IRAG2: variants seen among roughly 807,000 people sequenced by gnomAD.
IRAG2 encodes lymphoid restricted membrane protein.
A neutral mutation model predicts 69.9 loss-of-function variants in IRAG2; 45 were observed. That is an observed-to-expected ratio of 0.64 (90% CI 0.51 to 0.83). IRAG2 has a LOEUF of 0.83. IRAG2 is among the 40% of genes least tolerant of loss of function. The pLI is 0.00. For synonymous variants in IRAG2, 193 were observed against 202.4 expected, an observed-to-expected ratio of 0.95 and a Z score of 0.40; for missense variants, 520 against 587.0, an observed-to-expected ratio of 0.89 and a Z score of 1.18.
intron 6 of IRAG2, among the ~76,000 whole-genome samples, chr12:25,073,257 T>C (rs144975256): frequency 3.9e-5 from 6 of 152,366 alleles, no homozygotes; most frequent in East Asian, 3.9e-4. Flanking sequence ...TTTATTTGTG[T>C]ATTAGGTGAT....
In IRAG2 at chr12:25,103,911, C is replaced by T. The variant is rs990104776; in HGVS notation, c.996+12C>T. On this transcript the variant is annotated intron_variant, in intron 18 of 21. Coordinates refer to ENST00000556887, the MANE Select transcript of IRAG2 (RefSeq NM_001366544.2). ...GAAATGCAGGAATGGTAAGACAATT[C>T]CTAAGTGTTCTTAGTCAAAGGTAAA... 1.9e-6 allele frequency: 3 copies of T among 1,610,586 alleles called. No homozygotes were observed. The highest frequency in any genetic ancestry group is 2.2e-5 in the East Asian group (1 of 44,762).
At chr12:25,032,299 T>G in intron 11 of IRAG2, 1 of 399,066 alleles carries the variant, frequency 2.5e-6, no homozygotes, top group Non-Finnish European at 4.4e-6. Context: ...TTGTGTGCGA[T>G]TCCAGAATTT....
rs773651110 is a variant in IRAG2 at position 25,103,798 on chromosome 12, TGA to T, written c.934-35_934-34del. On this transcript the variant is annotated intron_variant, in intron 17 of 21. Transcript: ENST00000556887. The stretch of plus-strand genomic sequence containing the variant: ...GGTGTTGCATATAATGATAAATTAT[TGA>T]GAGTTTTCTAAATGTACATTTTCCT... The T allele has an allele frequency of 3.5e-6, 5 of 1,422,060 alleles. No individual in the cohort carries two copies. In the South Asian group the frequency reaches 4.6e-5, roughly 13 times the overall value. The allele number at this position is 1,422,060 out of a possible 1,614,324, so 88.1% of individuals were successfully genotyped here.
upstream of IRAG2, among the ~76,000 whole-genome samples, chr12:25,004,042 A>C (rs1228546623): frequency 6.6e-6 from 1 of 152,150 alleles, no homozygotes; most frequent in African/African-American, 2.4e-5. Flanking sequence ...GTTTATCTCA[A>C]AGAGTTGTTT....
chr12:25,049,724 C>T (rs1190296901), upstream of IRAG2, among the ~76,000 whole-genome samples: 1 of 151,976 alleles, frequency 6.6e-6, no homozygotes, highest in African/African-American at 2.4e-5. Flanking sequence ...CGGTGGCTCA[C>T]GCCTGTAATC....
In IRAG2 at chr12:25,079,468, T is replaced by C. The variant is rs1223340232; in HGVS notation, c.136+6T>C. 6.2e-7 allele frequency: 1 copy of C among 1,609,188 alleles called. No homozygotes were observed. Among genetic ancestry groups the C allele is most frequent in the African/African-American group, 1.3e-5 (1 of 74,786 alleles). On this transcript the variant is annotated splice_donor_region_variant and intron_variant, in intron 8 of 21. Transcript: ENST00000556887. Reference sequence around the variant, plus strand: ...CGGTACTATAACTTCAAGTGGTAAGTGGATTTGGAAATAATATTAAAATAG... The same window carrying C: ...CGGTACTATAACTTCAAGTGGTAAGCGGATTTGGAAATAATATTAAAATAG...
At chr12:24,998,703 C>T in the IRAG2 span, among the ~76,000 whole-genome samples, 12 of 151,204 alleles carry the variant, frequency 7.9e-5, no homozygotes, top group South Asian at 4.2e-4. Context: ...TTTTTTTTTA[C>T]GTATATTAAG....
intron 14 of IRAG2, among the ~76,000 whole-genome samples, chr12:25,094,356 TGTGGATTCTTG>T (rs922382890): frequency 1.3e-5 from 2 of 152,188 alleles, no homozygotes; most frequent in African/African-American, 4.8e-5. Context: ...CTTTCCTCAT[TGTGGATTCTTG>T]GCACCCTGGT....
chr12:25,003,579 A>T (rs935038424), upstream of IRAG2, among the ~76,000 whole-genome samples: 1 of 152,156 alleles, frequency 6.6e-6, no homozygotes, highest in Non-Finnish European at 1.5e-5. Context: ...GAATTACTAT[A>T]AGAAGTGAGA....
rs1403207047 is a variant in IRAG2, at chr12:25,077,200, TATATATATGATATATATGAA to T, written c.25-2026_25-2007del. On this transcript the variant is annotated intron_variant, in intron 6 of 21. Transcript: ENST00000556887. ...ATATATATATGATATATATATGAAATATATATATGATATATATGAAATATATATGATATATATATGAAATA... is the reference window on the plus strand; with the variant it reads ...ATATATATATGATATATATATGAAATATATATATGATATATATATGAAATA... Among the ~76,000 whole-genome samples the T allele has an allele frequency of 7.3e-3, 490 of 67,082 alleles. 9 individuals carry two copies. The highest frequency in any genetic ancestry group is 0.013 in the Admixed American group (59 of 4,668). The allele number at this position is 67,082 out of a possible 152,430, so 44.0% of individuals were successfully genotyped here. A position where few individuals can be genotyped will look rare whatever the true frequency, so the allele number is the denominator to read the frequency against.
intron 9 of IRAG2, among the ~76,000 whole-genome samples, chr12:25,080,030 T>A (rs901855563): frequency 7.2e-5 from 11 of 151,988 alleles, no homozygotes; most frequent in Non-Finnish European, 5.9e-5. Flanking sequence ...ATGGGACAAA[T>A]ATTTCCTATG....
intron 15 of IRAG2, 198 bp from the exon 16 acceptor site, chr12:25,100,980 C>A (rs1244069088): frequency 2.3e-5 from 10 of 434,674 alleles, no homozygotes; most frequent in Non-Finnish European, 4.1e-5. Flanking sequence ...GCCACTAGTC[C>A]TTCTATCCAG....
At chr12:25,100,989 A>G in intron 15 of IRAG2, 189 bp from the exon 16 acceptor site, 1 of 449,770 alleles carries the variant, frequency 2.2e-6, no homozygotes, top group Middle Eastern at 5.7e-4. Context: ...CCTTCTATCC[A>G]GCTTTCAAAG....
At chr12:25,019,333 G>T (rs962355506) in intron 6 of IRAG2, among the ~76,000 whole-genome samples, 1 of 152,178 alleles carries the variant, frequency 6.6e-6, no homozygotes, top group Non-Finnish European at 1.5e-5. Context: ...CAACATCCAG[G>T]AAGAATCAGG....
chr12:25,037,877 A>T (rs1591934011), intron 15 of IRAG2: 1 of 397,104 alleles, frequency 2.5e-6, no homozygotes, highest in South Asian at 1.4e-4. Flanking sequence ...CCAGTATGCC[A>T]TTGAGATGGA....
intron 13 of IRAG2, among the ~76,000 whole-genome samples, chr12:25,034,531 G>A (rs951384742): frequency 6.6e-5 from 10 of 152,006 alleles, no homozygotes; most frequent in Non-Finnish European, 1.5e-4. Flanking sequence ...TTTATAACAT[G>A]GGAAGAAATA....
At chr12:25,101,997 C>A (rs765666186) in intron 16 of IRAG2, 1 of 685,582 alleles carries the variant, frequency 1.5e-6, no homozygotes, top group South Asian at 1.5e-5. Flanking sequence ...CACAGTGACA[C>A]AGAGGACTGT....
chr12:25,095,443 TATTG>T (rs1469876660), intron 14 of IRAG2, among the ~76,000 whole-genome samples: 4 of 152,192 alleles, frequency 2.6e-5, no homozygotes, highest in Admixed American at 2.6e-4. Flanking sequence ...TGGTATATTA[TATTG>T]ATTGGTTTTC....
Position 25,015,369 on chromosome 12 carries a change from AAC to A in IRAG2, c.998_999del (p.Thr333ArgfsTer16). The A allele has an allele frequency of 1.6e-6, 2 of 1,232,000 alleles. No individual in the cohort carries two copies. Among genetic ancestry groups the A allele is most frequent in the Non-Finnish European group, 2.0e-6 (2 of 987,908 alleles). 76.3% of individuals were successfully genotyped at this position (1,232,000 alleles called of 1,614,324 possible). On this transcript the variant is annotated frameshift_variant, in exon 5 of 39. Transcript: ENST00000636465. LOFTEE classifies it high-confidence loss of function. The stretch of plus-strand genomic sequence containing the variant: ...TTTCAGTGAAGATGAGCACAGATAT[AAC>A]AGATTCTACATTGGGGAGCTTCGAG...
Sources: allele counts gnomAD v4.1 joint callset (sites outside exome capture counted in the v4.1 genomes callset), GRCh38; gene constraint gnomAD v4.1.1; transcripts MANE v1.5; gene names NCBI Gene and HGNC (gene_info 2026-07-23, HGNC 2026-07-21).